The following SCLT1 variants were observed in gnomAD, a reference collection of about 807,000 sequenced individuals.
SCLT1 encodes sodium channel and clathrin linker 1.
Under a neutral mutation model 112.8 loss-of-function variants are expected in SCLT1, and 78 were observed. The observed-to-expected ratio is 0.69, with a 90% CI of 0.58 to 0.83. The LOEUF is 0.83. Ranked by LOEUF, SCLT1 falls within the 40% of genes least tolerant of loss-of-function variation. The pLI is 0.00. For synonymous variants in SCLT1, 257 were observed against 254.7 expected (o/e 1.01, Z -0.09); for missense variants, 747 against 770.4 (o/e 0.97, Z 0.36).
At chr4:129,048,904 G>A (rs1748467424) in intron 2 of SCLT1, among the ~76,000 whole-genome samples, 1 of 152,052 alleles carries the variant, frequency 6.6e-6, no homozygotes, top group Non-Finnish European at 1.5e-5. Flanking sequence ...GGCCATCAGA[G>A]AAATGCAAAT....
intron 5 of SCLT1, chr4:129,037,969 G>C (rs1298643213): frequency 6.6e-6 from 1 of 151,622 alleles, no homozygotes. Context: ...CGTCTCTACT[G>C]AAAATACAAA....
Position 128,884,397 on chromosome 4 carries a change from G to A in SCLT1, c.*80C>T, listed in dbSNP as rs1732736326. ...ACACAAGCCTTAACTATTATACTTT[G>A]CAGGCTTTACCATTTCAATACACTT... On this transcript the variant is annotated 3_prime_UTR_variant, in exon 21 of 21. Transcript: ENST00000281142. The A allele has an allele frequency of 2.4e-6, 2 of 820,832 alleles. No individual in the cohort carries two copies. Among genetic ancestry groups the A allele is most frequent in the Non-Finnish European group, 4.2e-6 (2 of 478,600 alleles). 50.8% of individuals were successfully genotyped at this position (820,832 alleles called of 1,614,324 possible).
intron 2 of SCLT1, among the ~76,000 whole-genome samples, chr4:129,065,383 A>G (rs1281742415): frequency 6.6e-6 from 1 of 152,026 alleles, no homozygotes; most frequent in African/African-American, 2.4e-5. Flanking sequence ...AGTACTTAGA[A>G]TGTTTAATTT....
intron 5 of SCLT1, among the ~76,000 whole-genome samples, chr4:129,013,137 C>A (rs1283096784): frequency 6.6e-6 from 1 of 152,166 alleles, no homozygotes; most frequent in East Asian, 1.9e-4. Flanking sequence ...CCTCTCCCTC[C>A]TCCCACCCTC....
intron 2 of SCLT1, among the ~76,000 whole-genome samples, chr4:129,080,687 G>T (rs1016102078): frequency 6.6e-6 from 1 of 152,192 alleles, no homozygotes; most frequent in Non-Finnish European, 1.5e-5. Flanking sequence ...TCTCCAAACT[G>T]TTCCAACCTC....
At chr4:128,973,514 A>G (rs1262860667) in intron 9 of SCLT1, among the ~76,000 whole-genome samples, 1 of 149,676 alleles carries the variant, frequency 6.7e-6, no homozygotes, top group African/African-American at 2.5e-5. Context: ...GGGAGAGAGA[A>G]AGAGAGGGAG....
intron 2 of SCLT1, among the ~76,000 whole-genome samples, chr4:129,048,678 C>T (rs2125707189): frequency 6.6e-6 from 1 of 152,306 alleles, no homozygotes; most frequent in South Asian, 2.1e-4. Context: ...AAACTACCCT[C>T]ACAGTGAACA....
intron 9 of SCLT1, among the ~76,000 whole-genome samples, chr4:128,980,845 T>C (rs1261087566): frequency 6.6e-6 from 1 of 152,220 alleles, no homozygotes; most frequent in Non-Finnish European, 1.5e-5. Flanking sequence ...CATTTCTGTG[T>C]AGCTGAAGGA....
intron 1 of SCLT1, among the ~76,000 whole-genome samples, chr4:129,091,818 G>A (rs1752849634): frequency 6.6e-6 from 1 of 152,158 alleles, no homozygotes; most frequent in Admixed American, 6.5e-5. Context: ...TAGGAAACTT[G>A]CTCGAGGTCA....
At chr4:128,979,700 A>C (rs528913293) in intron 9 of SCLT1, among the ~76,000 whole-genome samples, 2 of 152,216 alleles carry the variant, frequency 1.3e-5, no homozygotes, top group Admixed American at 6.5e-5. Context: ...ATTTTTAAAG[A>C]CAGGTGTACA....
rs138724704 is a variant in SCLT1, at chr4:128,936,739, G to A, written c.1745C>T (p.Ala582Val). The A allele has an allele frequency of 1.2e-5, 19 of 1,611,968 alleles. No homozygotes were observed. Among genetic ancestry groups the A allele is most frequent in the South Asian group, 9.9e-5 (9 of 90,948 alleles). The change falls in exon 18 of 21, where the codon GCG (alanine) becomes GTG (valine). Residue 582 changes from alanine to valine, a missense_variant. Around this residue, in one of 2 missense-constraint regions of SCLT1, gnomAD observed 723 missense variants for 721.3 expected, o/e 1.00. Transcript: ENST00000281142. ...CCTATTGGCTGCCTTCTGTTGAGTC[G>A]CTAGGAGATGCCTCAGTTCAACAAT... is the stretch of plus-strand genomic sequence containing the variant. The part of the protein sequence containing the change: ...NSIVELRHLL[A>V]TQQKAANRWK...
chr4:129,026,455 G>A (rs555905718), intron 5 of SCLT1, among the ~76,000 whole-genome samples: 1 of 151,902 alleles, frequency 6.6e-6, no homozygotes, highest in Non-Finnish European at 1.5e-5. Context: ...TGACTACTGG[G>A]TAAATAATGA....
intron 17 of SCLT1, among the ~76,000 whole-genome samples, 170 bp from the exon 18 acceptor site, chr4:128,937,021 G>A (rs532750119): frequency 6.6e-6 from 1 of 152,312 alleles, no homozygotes; most frequent in African/African-American, 2.4e-5. Flanking sequence ...GCTCATGCCT[G>A]TAATCCCAGC....
chr4:128,987,653 GA>G lies in SCLT1; in HGVS notation c.686+4513del, dbSNP rs371890857. 5.8e-3 allele frequency among the ~76,000 whole-genome samples: 877 copies of G among 151,668 alleles called. 7 individuals carry two copies. The highest frequency in any genetic ancestry group is 0.034 in the Middle Eastern group (10 of 294). On this transcript the variant is annotated intron_variant, in intron 9 of 20. Transcript: ENST00000281142. ...TATATGAAAATACACACTCAGAGGT[GA>G]AAAAAAAGAATGAAACATGCCTACA... is the stretch of plus-strand genomic sequence containing the variant.
At chr4:129,039,927 CACACAA>C (rs1265973843) in intron 4 of SCLT1, 8 of 437,208 alleles carry the variant, frequency 1.8e-5, no homozygotes, top group African/African-American at 6.2e-5. Flanking sequence ...CACACACACA[CACACAA>C]AACCCTGAAT....
At chr4:129,083,959 A>T (rs1458471348) in intron 1 of SCLT1, among the ~76,000 whole-genome samples, 1 of 152,182 alleles carries the variant, frequency 6.6e-6, no homozygotes, top group East Asian at 1.9e-4. Flanking sequence ...ATCATCTCAA[A>T]AGTTATTTTA....
intron 1 of SCLT1, among the ~76,000 whole-genome samples, chr4:129,085,375 T>C (rs921998785): frequency 1.3e-5 from 2 of 152,096 alleles, no homozygotes; most frequent in Non-Finnish European, 2.9e-5. Flanking sequence ...CAGATGCTGG[T>C]GAAGTTGTGG....
At chr4:128,919,092 T>C (rs1452935289) in intron 18 of SCLT1, among the ~76,000 whole-genome samples, 2 of 152,116 alleles carry the variant, frequency 1.3e-5, no homozygotes, top group African/African-American at 2.4e-5. Context: ...CAGATATTTA[T>C]AGACCTCTCC....
At chr4:129,082,440 C>T in intron 1 of SCLT1, 67 bp from the exon 2 acceptor site, 1 of 987,276 alleles carries the variant, frequency 1.0e-6, no homozygotes, top group Non-Finnish European at 1.6e-6. Context: ...ACTAGAAATA[C>T]AGTAATTATT....
Sources: allele counts gnomAD v4.1 joint callset (sites outside exome capture counted in the v4.1 genomes callset), GRCh38; gene constraint gnomAD v4.1.1; regional missense constraint gnomAD v4.1.1; transcripts MANE v1.5; gene names NCBI Gene and HGNC (gene_info 2026-07-23, HGNC 2026-07-21).